The following SLC44A5 variants were observed in gnomAD, a reference collection of about 807,000 sequenced individuals.
SLC44A5 encodes solute carrier family 44 member 5.
A neutral mutation model predicts 101.8 loss-of-function variants in SLC44A5; 57 were observed. The observed-to-expected ratio is 0.56, with a 90% CI of 0.45 to 0.70. SLC44A5 has a LOEUF of 0.70. Among genes scored for constraint, SLC44A5 ranks in the 30% least tolerant of loss-of-function variants. The probability of loss-of-function intolerance (pLI) is 0.00; values close to 1 mark genes in which losing one functional copy is unlikely to be tolerated. For synonymous variants in SLC44A5, 281 were observed against 290.9 expected (o/e 0.97, Z 0.35); for missense variants, 737 against 853.1 (o/e 0.86, Z 1.70).
chr1:75,328,470 T>A (rs1025457714), intron 4 of SLC44A5, among the ~76,000 whole-genome samples: 6 of 152,116 alleles, frequency 3.9e-5, no homozygotes, highest in Non-Finnish European at 8.8e-5. Flanking sequence ...GAATGAAATA[T>A]CAAGATACTG....
intron 2 of SLC44A5, among the ~76,000 whole-genome samples, chr1:75,464,898 TAAAG>T (rs1345546530): frequency 2.0e-5 from 3 of 152,076 alleles, no homozygotes; most frequent in Non-Finnish European, 2.9e-5. Context: ...TTATTACAGC[TAAAG>T]AAAGAGAGAG....
intron 2 of SLC44A5, among the ~76,000 whole-genome samples, chr1:75,488,944 G>A (rs950469145): frequency 6.6e-6 from 1 of 152,126 alleles, no homozygotes; most frequent in Non-Finnish European, 1.5e-5. Flanking sequence ...TGCCTCCCAG[G>A]TTCAAGCAAT....
intron 2 of SLC44A5, among the ~76,000 whole-genome samples, chr1:75,446,591 T>A (rs187437407): frequency 6.6e-6 from 1 of 152,120 alleles, no homozygotes; most frequent in Non-Finnish European, 1.5e-5. Context: ...AGAAAGAAGG[T>A]CCTATAAAGG....
chr1:75,582,203 CCCAAGTT>C, intron 1 of SLC44A5: 1 of 1,006,958 alleles, frequency 9.9e-7, no homozygotes, highest in Non-Finnish European at 1.5e-6. Context: ...AGGGGTGGAC[CCCAAGTT>C]CCTGAGGAAC....
At chr1:75,324,294 C>T (rs1222184041) in intron 4 of SLC44A5, among the ~76,000 whole-genome samples, 1 of 152,148 alleles carries the variant, frequency 6.6e-6, no homozygotes, top group Non-Finnish European at 1.5e-5. Flanking sequence ...AAGAAAAATG[C>T]TCATGCTCTG....
intron 3 of SLC44A5, among the ~76,000 whole-genome samples, chr1:75,341,030 T>C (rs1266085110): frequency 1.3e-5 from 2 of 152,232 alleles, no homozygotes; most frequent in Non-Finnish European, 2.9e-5. Context: ...ATTGGTTATA[T>C]GTAACAAAAG....
the SLC44A5 span, among the ~76,000 whole-genome samples, chr1:75,676,301 G>A: frequency 6.6e-6 from 1 of 152,126 alleles, no homozygotes; most frequent in Admixed American, 6.6e-5. Flanking sequence ...GAACCCAAAT[G>A]CCCATCAATG....
chr1:75,498,365 A>C (rs961498753), intron 2 of SLC44A5, among the ~76,000 whole-genome samples: 4 of 152,162 alleles, frequency 2.6e-5, no homozygotes, highest in African/African-American at 9.7e-5. Context: ...TTCATAACAA[A>C]ACTACTGGAG....
intron 3 of SLC44A5, among the ~76,000 whole-genome samples, chr1:75,360,854 G>A (rs1659439142): frequency 1.3e-5 from 2 of 152,120 alleles, no homozygotes; most frequent in Non-Finnish European, 2.9e-5. Flanking sequence ...AAATGCCATT[G>A]AAATTTTGAT....
chr1:75,504,670 A>C (rs150110706), intron 2 of SLC44A5, among the ~76,000 whole-genome samples: 1 of 152,232 alleles, frequency 6.6e-6, no homozygotes. Flanking sequence ...TCAATACTGG[A>C]AACTAATTTG....
intron 2 of SLC44A5, among the ~76,000 whole-genome samples, chr1:75,452,868 A>G (rs1262901233): frequency 2.0e-5 from 3 of 152,214 alleles, no homozygotes; most frequent in Non-Finnish European, 4.4e-5. Flanking sequence ...TGCACCCAAG[A>G]TTGGAGCACA....
In SLC44A5 at chr1:75,303,033, A is replaced by G. The variant is rs144273195; in HGVS notation, c.102-2348T>C. ...ACCTCGGATAACTGAAACCTCAGAA[A>G]GCAAAACTTCAAATAAGGGAGAACA... On this transcript the variant is annotated intron_variant, in intron 4 of 23. Coordinates refer to ENST00000370859, the MANE Select transcript of SLC44A5 (RefSeq NM_001130058.2). 2.6e-5 allele frequency among the ~76,000 whole-genome samples: 4 copies of G among 152,326 alleles called. No individual in the cohort carries two copies. In the East Asian group the frequency reaches 7.7e-4, roughly 29 times the overall value.
At chr1:75,316,718 T>G (rs1655717752) in intron 4 of SLC44A5, among the ~76,000 whole-genome samples, 1 of 152,208 alleles carries the variant, frequency 6.6e-6, no homozygotes, top group Admixed American at 6.5e-5. Context: ...GTATTCTGAT[T>G]TAACATATTT....
intron 1 of SLC44A5, among the ~76,000 whole-genome samples, chr1:75,562,609 G>A (rs973224638): frequency 6.6e-6 from 1 of 152,056 alleles, no homozygotes; most frequent in Non-Finnish European, 1.5e-5. Context: ...GATTGCTTAA[G>A]CCCGGAGATG....
intron 2 of SLC44A5, among the ~76,000 whole-genome samples, chr1:75,454,105 C>G (rs879136858): frequency 1.3e-5 from 2 of 151,966 alleles, no homozygotes; most frequent in Non-Finnish European, 2.9e-5. Context: ...AAAAAGAAAA[C>G]TATAGGCCAA....
chr1:75,698,748 A>C, the SLC44A5 span, among the ~76,000 whole-genome samples: 6 of 152,150 alleles, frequency 3.9e-5, no homozygotes, highest in Non-Finnish European at 7.4e-5. Flanking sequence ...GAAGTTGAAA[A>C]CTTTGAAAAA....
chr1:75,235,500 G>T (rs1647994725), intron 11 of SLC44A5, among the ~76,000 whole-genome samples: 1 of 151,910 alleles, frequency 6.6e-6, no homozygotes, highest in South Asian at 2.1e-4. Context: ...TGACATTTGG[G>T]TCTGACAATA....
intron 7 of SLC44A5, among the ~76,000 whole-genome samples, chr1:75,245,925 T>C (rs1557572292): frequency 6.6e-6 from 1 of 152,122 alleles, no homozygotes; most frequent in Non-Finnish European, 1.5e-5. Context: ...TCACAGTCTG[T>C]CCTTTAAGTG....
At chr1:75,720,447 T>C in the SLC44A5 span, 1 of 152,164 alleles carries the variant, frequency 6.6e-6, no homozygotes, top group African/African-American at 2.4e-5. Context: ...GCTTAATTAA[T>C]AAAAAGGTAT....
Sources: gnomAD v4.1 joint callset for allele counts (sites outside exome capture counted in the v4.1 genomes callset) on GRCh38, gnomAD v4.1.1 for gene constraint, MANE v1.5 for transcripts, NCBI Gene and HGNC (gene_info 2026-07-23, HGNC 2026-07-21) for gene names.